EHD4: variants seen among roughly 807,000 people sequenced by gnomAD.
EHD4 encodes EH domain containing 4.
In EHD4, 37 loss-of-function variants were observed where a neutral mutation model predicts 51.0. The ratio of observed to expected loss-of-function variants is 0.73; its 90% confidence interval spans 0.56 to 0.95. The LOEUF is 0.95. EHD4 is among the 40% of genes least tolerant of loss of function. EHD4 has a pLI of 0.00. For missense variants in EHD4, 632 were observed against 733.1 expected (o/e 0.86, Z 1.59); for synonymous variants, 297 against 317.3 (o/e 0.94, Z 0.68).
intron 2 of EHD4, among the ~76,000 whole-genome samples, chr15:41,952,831 A>C (rs1476898875): frequency 6.6e-6 from 1 of 151,930 alleles, no homozygotes; most frequent in East Asian, 1.9e-4. Flanking sequence ...CTGTACTAAA[A>C]ATACGAAAAT....
chr15:41,899,922 G>A lies in EHD4; in HGVS notation c.*723C>T, dbSNP rs929169876. 5.3e-5 allele frequency: 8 copies of A among 152,262 alleles called. No homozygotes were observed. Among genetic ancestry groups the A allele is most frequent in the African/African-American group, 1.9e-4 (8 of 41,464 alleles). The allele number at this position is 152,262 out of a possible 1,614,324, so 9.4% of individuals were successfully genotyped here. A position where few individuals can be genotyped will look rare whatever the true frequency, so the allele number is the denominator to read the frequency against. ...AAAGGTTGTGAATTCCAAATTCCTA[G>A]CCGAATATGGCTTTGCTGGTAAGCC... On this transcript the variant is annotated 3_prime_UTR_variant, in exon 6 of 6. Transcript: ENST00000220325.
At chr15:41,953,130 G>T (rs1279350954) in intron 2 of EHD4, among the ~76,000 whole-genome samples, 2 of 151,830 alleles carry the variant, frequency 1.3e-5, no homozygotes, top group African/African-American at 4.8e-5. Context: ...AAAAGGGACA[G>T]CCAGGGAGGT....
intron 1 of EHD4, among the ~76,000 whole-genome samples, chr15:41,963,933 C>G (rs2141009714): frequency 6.6e-6 from 1 of 151,956 alleles, no homozygotes; most frequent in Admixed American, 6.5e-5. Context: ...ATCATGAAGT[C>G]AGGAGATCGA....
intron 5 of EHD4, chr15:41,908,490 A>G (rs1595530391): frequency 6.6e-6 from 1 of 150,976 alleles, no homozygotes; most frequent in East Asian, 1.9e-4. Flanking sequence ...CAATGCTGTC[A>G]CTCTGTGGCT....
chr15:41,933,842 C>T (rs768535924), intron 3 of EHD4, among the ~76,000 whole-genome samples: 12 of 152,128 alleles, frequency 7.9e-5, no homozygotes, highest in Admixed American at 2.6e-4. Context: ...GTAGGCTAGG[C>T]GGGGGTGCTC....
chr15:41,931,575 T>C (rs2067698624), intron 3 of EHD4, among the ~76,000 whole-genome samples: 1 of 152,164 alleles, frequency 6.6e-6, no homozygotes. Context: ...AAATTAAATA[T>C]GCATTCAATG....
chr15:41,926,323 G>C (rs533663935), intron 3 of EHD4, among the ~76,000 whole-genome samples: 9 of 152,156 alleles, frequency 5.9e-5, no homozygotes, highest in Admixed American at 5.2e-4. Context: ...CCACTTGCCC[G>C]TGGTGGTGAC....
intron 1 of EHD4, among the ~76,000 whole-genome samples, chr15:41,964,144 C>CAAAAAAAAA: frequency 3.8e-5 from 1 of 26,560 alleles, no homozygotes; most frequent in Admixed American, 4.2e-4. Flanking sequence ...GACTCCATCT[C>CAAAAAAAAA]AAAAAAAAAA....
intron 4 of EHD4, among the ~76,000 whole-genome samples, chr15:41,910,411 T>C (rs945958071): frequency 6.6e-6 from 1 of 152,128 alleles, no homozygotes; most frequent in African/African-American, 2.4e-5. Context: ...AAGATCCCCC[T>C]GGGAGAGGAG....
At chr15:41,946,081 T>A (rs1254480121) in intron 2 of EHD4, among the ~76,000 whole-genome samples, 1 of 152,264 alleles carries the variant, frequency 6.6e-6, no homozygotes, top group Non-Finnish European at 1.5e-5. Flanking sequence ...GCCCAGCTTA[T>A]TGAAATGCTT....
At chr15:41,919,927 C>T (rs2067613940) in intron 3 of EHD4, among the ~76,000 whole-genome samples, 1 of 152,334 alleles carries the variant, frequency 6.6e-6, no homozygotes, top group African/African-American at 2.4e-5. Context: ...TCACCTAATA[C>T]AGACCTTTTG....
chr15:41,919,093 C>T (rs957682502), intron 4 of EHD4, 117 bp downstream of exon 4: 18 of 1,349,274 alleles, frequency 1.3e-5, no homozygotes, highest in Non-Finnish European at 1.8e-5. Flanking sequence ...CTTAACCTAG[C>T]GCATGTTCAT....
At chr15:41,926,384 C>T (rs973457709) in intron 3 of EHD4, among the ~76,000 whole-genome samples, 3 of 152,146 alleles carry the variant, frequency 2.0e-5, no homozygotes, top group Middle Eastern at 6.3e-3. Context: ...AGGCCCTGCC[C>T]GCCCCTCCCA....
At chr15:41,942,157 T>A (rs2067776280) in intron 3 of EHD4, 1 of 152,164 alleles carries the variant, frequency 6.6e-6, no homozygotes. Context: ...ATCAGGCATT[T>A]CCTCTCCGTA....
At chr15:41,954,324 C>G (rs2067872584) in intron 1 of EHD4, among the ~76,000 whole-genome samples, 1 of 152,210 alleles carries the variant, frequency 6.6e-6, no homozygotes, top group East Asian at 1.9e-4. Flanking sequence ...TGAGGGCAGA[C>G]TCATGTCCCA....
chr15:41,937,753 C>T (rs929185108), intron 3 of EHD4, among the ~76,000 whole-genome samples: 1 of 152,160 alleles, frequency 6.6e-6, no homozygotes, highest in Admixed American at 6.5e-5. Context: ...ATTTGTACTT[C>T]CCTGATTGTG....
intron 4 of EHD4, among the ~76,000 whole-genome samples, chr15:41,911,402 C>G (rs924460691): frequency 1.3e-5 from 2 of 152,148 alleles, no homozygotes; most frequent in African/African-American, 4.8e-5. Flanking sequence ...TATTTAGAAT[C>G]CTGGGCTTTA....
At chr15:41,924,330 C>T (rs1251755566) in intron 3 of EHD4, among the ~76,000 whole-genome samples, 1 of 152,222 alleles carries the variant, frequency 6.6e-6, no homozygotes, top group African/African-American at 2.4e-5. Flanking sequence ...TGCCTGGGAC[C>T]TTCCTGGCTC....
intron 1 of EHD4, among the ~76,000 whole-genome samples, chr15:41,956,213 G>A (rs892069657): frequency 1.3e-5 from 2 of 152,230 alleles, no homozygotes; most frequent in Non-Finnish European, 2.9e-5. Flanking sequence ...TGAACCAGAC[G>A]AGAACTGCAG....
Sources: allele counts gnomAD v4.1 joint callset (sites outside exome capture counted in the v4.1 genomes callset), GRCh38; gene constraint gnomAD v4.1.1; transcripts MANE v1.5; gene names NCBI Gene and HGNC (gene_info 2026-07-23, HGNC 2026-07-21).